Variants in ZFP69B observed in about 807,000 individuals in gnomAD.
ZFP69B encodes the protein ZFP69 zinc finger protein B.
ZFP69B carries 20 observed loss-of-function variants against 19.7 expected under a neutral mutation model. The ratio of observed to expected loss-of-function variants is 1.02; its 90% CI spans 0.71 to 1.48. The LOEUF (loss-of-function observed/expected upper bound fraction) is 1.48, where lower values mean the gene tolerates loss of function less well. Ranked by LOEUF, ZFP69B falls within the 40% of genes most tolerant of loss-of-function variation. The pLI is 0.00. For synonymous variants in ZFP69B, 220 were observed against 222.7 expected (o/e 0.99, Z 0.11); for missense variants, 583 against 632.6 (o/e 0.92, Z 0.84).
rs761867646 is a variant in ZFP69B, at chr1:40,463,113, G to A, written c.1129G>A (p.Gly377Arg). Reference protein sequence around the residue: ...VCEKAFSQSIGLIQHLRTHVR... With the variant: ...VCEKAFSQSIRLIQHLRTHVR... ...TGAGAAAGCCTTCAGCCAGAGCATT[G>A]GACTGATCCAGCATTTGAGAACTCA... The change falls in exon 5 of 5, where the codon GGA (glycine) becomes AGA (arginine). Residue 377 changes from glycine to arginine, a missense_variant. Gly to Arg is a moderately radical substitution (Grantham distance 125). Coordinates refer to ENST00000361584, the MANE Select transcript of ZFP69B (RefSeq NM_023070.3). The A allele has an allele frequency of 4.3e-6, 7 of 1,614,060 alleles. No individual in the cohort carries two copies. The highest frequency in any genetic ancestry group is 2.2e-5 in the South Asian group (2 of 91,078).
intron 4 of ZFP69B, among the ~76,000 whole-genome samples, chr1:40,458,848 G>T (rs1400267873): frequency 6.6e-6 from 1 of 152,168 alleles, no homozygotes; most frequent in Non-Finnish European, 1.5e-5. Flanking sequence ...TCGCTGGACA[G>T]TTCCTCTTCA....
At chr1:40,457,500 C>G in intron 4 of ZFP69B, 61 bp downstream of exon 4, 1 of 1,444,570 alleles carries the variant, frequency 6.9e-7, no homozygotes. Flanking sequence ...TCAAGGCCTT[C>G]TCCAAGTTGT....
rs1324784656 is a variant in ZFP69B at position 40,463,062 on chromosome 1, G to T, written c.1078G>T (p.Glu360Ter). Residue 360 changes from glutamate to a stop codon, truncating the protein, a stop_gained, in exon 5 of 5, where the codon GAA becomes TAA. Coordinates refer to ENST00000361584, the MANE Select transcript of ZFP69B (RefSeq NM_023070.3). LOFTEE classifies it low-confidence loss of function (END_TRUNC). The part of the protein sequence containing the change: ...LTQHVRIHTG[E>*]KPYECRVCEK... ...TCAACATGTTAGAATTCATACCGGGGAAAAGCCCTATGAATGTAGGGTATG... is the reference window on the plus strand; with the variant it reads ...TCAACATGTTAGAATTCATACCGGGTAAAAGCCCTATGAATGTAGGGTATG... The T allele has an allele frequency of 1.2e-5, 20 of 1,614,144 alleles. No individual in the cohort carries two copies. The highest frequency in any genetic ancestry group is 1.6e-5 in the Non-Finnish European group (19 of 1,180,028).
At position 40,457,089 on chromosome 1, in the gene ZFP69B, T is replaced by G. The variant is rs755954368; in HGVS notation, c.340+18T>G. On this transcript the variant is annotated intron_variant, in intron 3 of 4. Coordinates refer to ENST00000361584, the MANE Select transcript of ZFP69B (RefSeq NM_023070.3). The stretch of plus-strand genomic sequence containing the variant: ...CTCAGTGGGTAAGGATGGGCTCCTC[T>G]TGAAAATAGAACGTACCTATTGGAT... 2 of 1,585,948 alleles carry G rather than the reference T, an allele frequency of 1.3e-6. No homozygotes were observed. The highest frequency in any genetic ancestry group is 1.7e-6 in the Non-Finnish European group (2 of 1,170,234).
chr1:40,461,410 A>G (rs562278746), intron 4 of ZFP69B, among the ~76,000 whole-genome samples: 51 of 152,330 alleles, frequency 3.3e-4, no homozygotes, highest in African/African-American at 1.1e-3. Context: ...AGTGTTTAAA[A>G]GTATTTGAGA....
At chr1:40,461,186 A>G (rs1473726296) in intron 4 of ZFP69B, among the ~76,000 whole-genome samples, 1 of 151,202 alleles carries the variant, frequency 6.6e-6, no homozygotes, top group Non-Finnish European at 1.5e-5. Flanking sequence ...AAACAGATGT[A>G]GATATGTATA....
In ZFP69B at chr1:40,452,126, AAAAT is replaced by A. The variant is rs60077439; in HGVS notation, c.127+1059_127+1062del. Among the ~76,000 whole-genome samples, 51 of 150,240 alleles carry A rather than the reference AAAAT, an allele frequency of 3.4e-4. 1 individual carries two copies. The highest frequency in any genetic ancestry group is 2.4e-3 in the Admixed American group (36 of 15,044). On this transcript the variant is annotated intron_variant, in intron 1 of 4. Transcript: ENST00000361584. Reference sequence around the variant, plus strand: ...GGTGACAGAGCAAGACCTTGTCTCAAAAATAAATAAATAAATAAATAAATGTAGA... The same window carrying A: ...GGTGACAGAGCAAGACCTTGTCTCAAAAATAAATAAATAAATAAATGTAGA...
chr1:40,458,345 C>CTG (rs1645252820), intron 4 of ZFP69B, among the ~76,000 whole-genome samples: 1 of 151,986 alleles, frequency 6.6e-6, no homozygotes, highest in African/African-American at 2.4e-5. Flanking sequence ...TTCAGTGTTT[C>CTG]TCATCAGTGT....
chr1:40,463,007 GA>G lies in ZFP69B; in HGVS notation c.1027del (p.Thr343ProfsTer36). 1 of 1,613,900 alleles carries G rather than the reference GA, an allele frequency of 6.2e-7. No homozygotes were observed. The highest frequency in any genetic ancestry group is 8.5e-7 in the Non-Finnish European group (1 of 1,179,970). On this transcript the variant is annotated frameshift_variant, in exon 5 of 5. Coordinates refer to ENST00000361584, the MANE Select transcript of ZFP69B (RefSeq NM_023070.3). LOFTEE classifies it low-confidence loss of function (END_TRUNC). ...EKPYECKECG[K>X]TFRHPSSLTQ... Reference sequence around the variant, plus strand: ...AACCCTATGAATGTAAGGAGTGTGGGAAAACCTTCAGACATCCTTCATCGCT... The same window carrying G: ...AACCCTATGAATGTAAGGAGTGTGGGAAACCTTCAGACATCCTTCATCGCT...
upstream of ZFP69B, chr1:40,450,077 A>C (rs944947974): frequency 6.6e-6 from 1 of 152,264 alleles, no homozygotes; most frequent in African/African-American, 2.4e-5. Context: ...CTGGGCCCCG[A>C]CTGCCCGCCG....
At chr1:40,455,761 C>T (rs1394236117) in intron 2 of ZFP69B, among the ~76,000 whole-genome samples, 1 of 152,142 alleles carries the variant, frequency 6.6e-6, no homozygotes, top group Non-Finnish European at 1.5e-5. Flanking sequence ...TCCCCTAGCC[C>T]CCATCCCCTG....
intron 4 of ZFP69B, 61 bp from the exon 5 acceptor site, chr1:40,462,360 G>A (rs906172932): frequency 2.2e-4 from 328 of 1,460,844 alleles, no homozygotes; most frequent in Middle Eastern, 3.6e-4. Context: ...CATTCTCACC[G>A]TGGCAATTAA....
intron 3 of ZFP69B, 110 bp from the exon 4 acceptor site, chr1:40,457,233 TC>T: frequency 6.8e-7 from 1 of 1,480,108 alleles, no homozygotes; most frequent in Non-Finnish European, 9.3e-7. Flanking sequence ...CTCTGTTCTT[TC>T]TACTCTACTC....
At chr1:40,452,241 C>T (rs915551828) in intron 1 of ZFP69B, among the ~76,000 whole-genome samples, 1 of 152,090 alleles carries the variant, frequency 6.6e-6, no homozygotes, top group Non-Finnish European at 1.5e-5. Context: ...AGTATTATCC[C>T]CTCAAATTAC....
intron 4 of ZFP69B, among the ~76,000 whole-genome samples, chr1:40,460,084 T>C (rs943103760): frequency 6.6e-6 from 1 of 152,066 alleles, no homozygotes; most frequent in Non-Finnish European, 1.5e-5. Context: ...TTGGCAAAAA[T>C]TATGAAGATT....
chr1:40,460,188 A>G (rs1395845637), intron 4 of ZFP69B, among the ~76,000 whole-genome samples: 2 of 152,224 alleles, frequency 1.3e-5, no homozygotes, highest in African/African-American at 4.8e-5. Context: ...AAGCCAATGA[A>G]ATACTGACAG....
At chr1:40,462,188 G>A (rs1645291274) in intron 4 of ZFP69B, among the ~76,000 whole-genome samples, 3 of 152,094 alleles carry the variant, frequency 2.0e-5, no homozygotes, top group Admixed American at 2.0e-4. Context: ...CTAAAATGCT[G>A]GGATGATAGG....
chr1:40,451,015 G>A lies in ZFP69B; in HGVS notation c.54G>A (p.Lys18=), dbSNP rs1457016404. Reference sequence around the variant, plus strand: ...CCACCGAGGCCAGCACCTGGGTGAAGTTGCGTCATCCAAAGGCGGCCACGG... The same window carrying A: ...CCACCGAGGCCAGCACCTGGGTGAAATTGCGTCATCCAAAGGCGGCCACGG... ...TLPTEASTWV[K]LRHPKAATER... The change falls in exon 1 of 5, where the codon AAG becomes AAA. Residue 18 remains lysine (K), a synonymous_variant. Coordinates refer to ENST00000361584, the MANE Select transcript of ZFP69B (RefSeq NM_023070.3). 3 of 1,551,250 alleles carry A rather than the reference G, an allele frequency of 1.9e-6. No individual in the cohort carries two copies. In the Admixed American group the frequency reaches 5.9e-5, roughly 30 times the overall value.
intron 4 of ZFP69B, among the ~76,000 whole-genome samples, chr1:40,459,695 C>T (rs372500208): frequency 1.5e-4 from 23 of 152,218 alleles, no homozygotes; most frequent in East Asian, 3.9e-4. Context: ...ACTTGAAATA[C>T]GACATTTATC....
Sources: allele counts gnomAD v4.1 joint callset (sites outside exome capture counted in the v4.1 genomes callset), GRCh38; gene constraint gnomAD v4.1.1; transcripts MANE v1.5; gene names NCBI Gene and HGNC (gene_info 2026-07-23, HGNC 2026-07-21).